COX16: variants seen among roughly 807,000 people sequenced by gnomAD.
COX16 encodes cytochrome c oxidase assembly factor COX16, also known as cytochrome c oxidase assembly protein COX16 homolog, mitochondrial.
In COX16, 12 loss-of-function variants were observed where a neutral mutation model predicts 15.4. That is an observed-to-expected ratio of 0.78 (90% CI 0.50 to 1.26). The LOEUF is 1.26. Among genes scored for constraint, COX16 ranks in the 50% most tolerant of loss-of-function variants. COX16 has a pLI of 0.00. For synonymous variants in COX16, 46 were observed against 41.1 expected, an observed-to-expected ratio of 1.12 and a Z score of -0.46; for missense variants, 124 against 127.6, an observed-to-expected ratio of 0.97 and a Z score of 0.14.
At chr14:70,346,184 T>G (rs2140730685) in intron 1 of COX16, among the ~76,000 whole-genome samples, 1 of 152,254 alleles carries the variant, frequency 6.6e-6, no homozygotes, top group Non-Finnish European at 1.5e-5. Context: ...CCCCCGATAT[T>G]CGGTGCAAGC....
chr14:70,351,018 C>G (rs1343188225), intron 1 of COX16, among the ~76,000 whole-genome samples: 1 of 152,092 alleles, frequency 6.6e-6, no homozygotes, highest in Admixed American at 6.5e-5. Context: ...GCTGATTTAA[C>G]AAAAGAAGAA....
intron 1 of COX16, among the ~76,000 whole-genome samples, chr14:70,352,184 T>G (rs1000191632): frequency 6.6e-6 from 1 of 152,196 alleles, no homozygotes; most frequent in Non-Finnish European, 1.5e-5. Context: ...CTGTACTTTT[T>G]TATTTATTTA....
rs375589177 is a variant in COX16 at position 70,344,979 on chromosome 14, A to ACCAC, written c.70-2254_70-2251dup. 3.0e-3 allele frequency among the ~76,000 whole-genome samples: 450 copies of ACCAC among 152,130 alleles called. 4 individuals are homozygous for ACCAC. The highest frequency in any genetic ancestry group is 0.011 in the African/African-American group (440 of 41,500). On this transcript the variant is annotated intron_variant, in intron 1 of 3. Transcript: ENST00000389912. Reference sequence around the variant, plus strand: ...TCATCAAAACAGCATGTTGCTCCTCACCACCTCATGTTGTCTGTTGGTGCG... The same window carrying ACCAC: ...TCATCAAAACAGCATGTTGCTCCTCACCACCCACCTCATGTTGTCTGTTGGTGCG...
At chr14:70,328,646 T>G (rs553513302) in intron 3 of COX16, among the ~76,000 whole-genome samples, 5 of 152,352 alleles carry the variant, frequency 3.3e-5, no homozygotes, top group Admixed American at 3.3e-4. Flanking sequence ...TCCAAAAGTT[T>G]TACATGCTAT....
At chr14:70,329,262 A>C (rs745647951) in intron 2 of COX16, 26 bp from the exon 3 acceptor site, 1 of 1,586,178 alleles carries the variant, frequency 6.3e-7, no homozygotes, top group South Asian at 1.2e-5. Context: ...AAAAGTAATA[A>C]GTTATCTAAG....
At chr14:70,349,367 C>G (rs145312938) in intron 1 of COX16, among the ~76,000 whole-genome samples, 200 of 152,296 alleles carry the variant, frequency 1.3e-3, no homozygotes, top group Middle Eastern at 3.4e-3. Flanking sequence ...TGTACCTTCT[C>G]CAGGTAAGCA....
chr14:70,346,256 C>T (rs1886777641), intron 1 of COX16, among the ~76,000 whole-genome samples: 1 of 152,230 alleles, frequency 6.6e-6, no homozygotes, highest in Non-Finnish European at 1.5e-5. Context: ...CCTTCATAGT[C>T]TTTAACAATC....
intron 1 of COX16, among the ~76,000 whole-genome samples, chr14:70,352,650 T>C (rs1886994954): frequency 7.1e-6 from 1 of 140,882 alleles, no homozygotes; most frequent in South Asian, 2.4e-4. Flanking sequence ...TTTTTCTTTT[T>C]TTTTTTTTTT....
chr14:70,329,206 C>CT lies in COX16; in HGVS notation c.171dup (p.Glu58ArgfsTer3), dbSNP rs770721371. On this transcript the variant is annotated frameshift_variant, in exon 3 of 4. Transcript: ENST00000389912. LOFTEE classifies it high-confidence loss of function. ...TCCGACTCTAAAGATATTTTATTCT[C>CT]TTTCAGTTTTTTTTCAAGCTCAGGA... The CT allele has an allele frequency of 6.3e-7, 1 of 1,595,758 alleles. No homozygotes were observed. Among genetic ancestry groups the CT allele is most frequent in the Admixed American group, 1.7e-5 (1 of 58,616 alleles).
At chr14:70,329,608 A>T (rs907362073) in intron 2 of COX16, among the ~76,000 whole-genome samples, 3 of 151,970 alleles carry the variant, frequency 2.0e-5, no homozygotes, top group Non-Finnish European at 2.9e-5. Context: ...CAGAGTTCAC[A>T]CTATTAACCA....
At chr14:70,352,519 A>C (rs1015383849) in intron 1 of COX16, among the ~76,000 whole-genome samples, 9 of 152,172 alleles carry the variant, frequency 5.9e-5, no homozygotes, top group Admixed American at 2.6e-4. Context: ...TGTGTCATAC[A>C]TATGATATTT....
chr14:70,334,278 C>T (rs1260614591), intron 2 of COX16, among the ~76,000 whole-genome samples: 2 of 152,140 alleles, frequency 1.3e-5, no homozygotes, highest in Admixed American at 1.3e-4. Flanking sequence ...ATCCCAGCAT[C>T]CTGGGAGGCC....
chr14:70,345,140 C>T (rs184675369), intron 1 of COX16, among the ~76,000 whole-genome samples: 42 of 152,342 alleles, frequency 2.8e-4, no homozygotes, highest in African/African-American at 9.6e-4. Flanking sequence ...GGAAGCTCCT[C>T]GATCTCCAGT....
intron 1 of COX16, 88 bp from the exon 2 acceptor site, chr14:70,342,817 T>C: frequency 7.3e-7 from 1 of 1,371,948 alleles, no homozygotes; most frequent in East Asian, 2.3e-5. Flanking sequence ...TAAACAACAA[T>C]AGAGGCACAT....
chr14:70,348,449 C>CT (rs1446655755), intron 1 of COX16, among the ~76,000 whole-genome samples: 3 of 152,166 alleles, frequency 2.0e-5, no homozygotes, highest in Non-Finnish European at 4.4e-5. Flanking sequence ...TCAAACCTTT[C>CT]TTACACCTTT....
At chr14:70,357,467 C>T (rs1165993798) in intron 1 of COX16, among the ~76,000 whole-genome samples, 1 of 152,132 alleles carries the variant, frequency 6.6e-6, no homozygotes, top group African/African-American at 2.4e-5. Context: ...ATGTTGAAAG[C>T]ATGCCCAAAA....
chr14:70,351,737 C>T (rs573626660), intron 1 of COX16, among the ~76,000 whole-genome samples: 2 of 152,228 alleles, frequency 1.3e-5, no homozygotes, highest in South Asian at 2.1e-4. Context: ...AGTTTATTTA[C>T]TCATTCTCTT....
At chr14:70,354,891 G>A (rs1390795966) in intron 1 of COX16, among the ~76,000 whole-genome samples, 6 of 150,538 alleles carry the variant, frequency 4.0e-5, no homozygotes, top group Non-Finnish European at 7.4e-5. Context: ...AACACTTACT[G>A]CCTGTTACCA....
intron 2 of COX16, among the ~76,000 whole-genome samples, chr14:70,331,894 A>C (rs1333036327): frequency 3.9e-5 from 6 of 152,226 alleles, no homozygotes. Flanking sequence ...GCACCTATCC[A>C]CAGTAAAAAG....
Sources: gnomAD v4.1 joint callset for allele counts (sites outside exome capture counted in the v4.1 genomes callset) on GRCh38, gnomAD v4.1.1 for gene constraint, MANE v1.5 for transcripts, NCBI Gene and HGNC (gene_info 2026-07-23, HGNC 2026-07-21) for gene names.